The following ABLIM1 variants were observed in gnomAD, a reference collection of about 807,000 sequenced individuals.
ABLIM1 encodes the protein actin-binding LIM protein 1.
ABLIM1 carries 40 observed loss-of-function variants against 107.0 expected under a neutral mutation model. The observed-to-expected ratio is 0.37, with a 90% CI of 0.29 to 0.49. The LOEUF is 0.49. Among genes scored for constraint, ABLIM1 ranks in the 20% least tolerant of loss-of-function variants. ABLIM1 has a pLI of 0.97. For synonymous variants in ABLIM1, 357 were observed against 357.3 expected, an observed-to-expected ratio of 1.00 and a Z score of 0.01; for missense variants, 857 against 1,008.5, an observed-to-expected ratio of 0.85 and a Z score of 2.04.
At position 114,453,447 on chromosome 10, in the gene ABLIM1, G is replaced by A. The variant is rs766349027; in HGVS notation, c.1478C>T (p.Pro493Leu). The change falls in exon 13 of 23, where the codon CCT (proline) becomes CTT (leucine). Residue 493 changes from proline (P) to leucine (L), a missense_variant. This residue lies in a region of ABLIM1 where 381 missense variants were observed against 506.9 expected (regional missense o/e 0.75). Transcript: ENST00000533213. ...TAGAGGGCGGCTGTCTGGCCGGTAA[G>A]GGAGAGGGGAGTTCCGGCCGCTGGA... ...EPSSGRNSPL[P>L]YRPDSRPLTP... 36 of 1,611,354 alleles carry A rather than the reference G, an allele frequency of 2.2e-5. 1 individual carries two copies. The South Asian group carries it at 3.4e-4, about 15-fold the overall frequency.
At chr10:114,518,605 T>C (rs1159520913) in intron 6 of ABLIM1, among the ~76,000 whole-genome samples, 1 of 151,972 alleles carries the variant, frequency 6.6e-6, no homozygotes, top group Non-Finnish European at 1.5e-5. Context: ...ACTACCTGTT[T>C]TTTGTAAATA....
At chr10:114,550,844 T>A (rs2067975328) in intron 4 of ABLIM1, among the ~76,000 whole-genome samples, 1 of 152,230 alleles carries the variant, frequency 6.6e-6, no homozygotes, top group Non-Finnish European at 1.5e-5. Flanking sequence ...TCTAATTACA[T>A]AATTCCCACT....
At chr10:114,587,675 C>T (rs538426266) in intron 2 of ABLIM1, among the ~76,000 whole-genome samples, 20 of 152,250 alleles carry the variant, frequency 1.3e-4, no homozygotes, top group South Asian at 2.1e-4. Context: ...GTGTCCTCAC[C>T]GCCCACTGTC....
chr10:114,488,952 A>G (rs1003818427), intron 7 of ABLIM1, among the ~76,000 whole-genome samples: 1 of 152,262 alleles, frequency 6.6e-6, no homozygotes. Flanking sequence ...GAAAGCATAA[A>G]TTACATAAAT....
chr10:114,517,648 T>C (rs1417635295), intron 6 of ABLIM1, among the ~76,000 whole-genome samples: 1 of 152,166 alleles, frequency 6.6e-6, no homozygotes, highest in Non-Finnish European at 1.5e-5. Context: ...GGTCTGTACT[T>C]TTTTGCGATA....
intron 1 of ABLIM1, among the ~76,000 whole-genome samples, chr10:114,715,068 T>C (rs992591375): frequency 2.6e-5 from 4 of 152,074 alleles, no homozygotes; most frequent in African/African-American, 9.7e-5. Flanking sequence ...AGAAAGTACA[T>C]CTAAAATTTC....
chr10:114,670,928 T>C (rs551889467), intron 1 of ABLIM1, among the ~76,000 whole-genome samples: 2 of 152,370 alleles, frequency 1.3e-5, no homozygotes, highest in East Asian at 1.9e-4. Context: ...TTAAATTTTT[T>C]ATTGAAATAT....
intron 1 of ABLIM1, among the ~76,000 whole-genome samples, chr10:114,700,491 AACACACACACACACAC>A (rs149691121): frequency 6.7e-6 from 1 of 148,456 alleles, no homozygotes; most frequent in Admixed American, 6.7e-5. Flanking sequence ...AAACAATTAA[AACACACACACACACAC>A]ACACACACAC....
At chr10:114,603,663 G>T (rs1202484912) in intron 1 of ABLIM1, among the ~76,000 whole-genome samples, 1 of 150,242 alleles carries the variant, frequency 6.7e-6, no homozygotes, top group Non-Finnish European at 1.5e-5. Context: ...AAGAAGAAAA[G>T]TTTTCCTTGG....
At chr10:114,800,344 T>C in the ABLIM1 span, among the ~76,000 whole-genome samples, 4 of 152,196 alleles carry the variant, frequency 2.6e-5, no homozygotes, top group East Asian at 7.7e-4. Context: ...TTGTCCTATA[T>C]AACTTTTACA....
At chr10:114,749,840 G>A (rs567244372) in intron 1 of ABLIM1, among the ~76,000 whole-genome samples, 29 of 152,096 alleles carry the variant, frequency 1.9e-4, no homozygotes, top group Middle Eastern at 3.4e-3. Context: ...CCCATAGCTC[G>A]CTTTCTCCGC....
chr10:114,718,459 A>C (rs1052686489), intron 1 of ABLIM1, among the ~76,000 whole-genome samples: 4 of 152,172 alleles, frequency 2.6e-5, no homozygotes, highest in African/African-American at 9.7e-5. Flanking sequence ...TTGTTCAAAA[A>C]TTTTCCTTCT....
At chr10:114,450,147 GA>G in intron 14 of ABLIM1, 1 of 359,414 alleles carries the variant, frequency 2.8e-6, no homozygotes, top group Non-Finnish European at 5.7e-6. Context: ...TTACGCATTA[GA>G]ATTGGTGAAG....
chr10:114,734,152 G>A (rs541081717), intron 1 of ABLIM1, among the ~76,000 whole-genome samples: 167 of 152,036 alleles, frequency 1.1e-3, no homozygotes, highest in Non-Finnish European at 1.9e-3. Context: ...GAACCATCAC[G>A]CTTGGCCATG....
chr10:114,692,543 A>G (rs1367359738), intron 1 of ABLIM1, among the ~76,000 whole-genome samples: 1 of 152,216 alleles, frequency 6.6e-6, no homozygotes, highest in Non-Finnish European at 1.5e-5. Context: ...CCAAAACAAG[A>G]AACTTCCAGT....
At chr10:114,438,279 G>A (rs2059710285) in intron 21 of ABLIM1, among the ~76,000 whole-genome samples, 1 of 152,004 alleles carries the variant, frequency 6.6e-6, no homozygotes, top group South Asian at 2.1e-4. Context: ...TTTTTTGTTT[G>A]TAGACAGGGC....
At chr10:114,577,761 G>C (rs78924537) in intron 2 of ABLIM1, among the ~76,000 whole-genome samples, 7,271 of 152,158 alleles carry the variant, frequency 0.048, 214 homozygotes, top group East Asian at 0.082. Flanking sequence ...TTAAAGTAGT[G>C]CTCAAGGTGG....
At position 114,546,233 on chromosome 10, in the gene ABLIM1, C is replaced by T. The variant is rs568614072; in HGVS notation, c.801-1135G>A. The stretch of plus-strand genomic sequence containing the variant: ...TAGCTTGCAATGTTCCGTTAGAAGC[C>T]AGGCACCTGTCTTATTTTGTCCATA... On this transcript the variant is annotated intron_variant, in intron 5 of 22. Transcript: ENST00000533213. Among the ~76,000 whole-genome samples the T allele has an allele frequency of 2.0e-5, 3 of 152,110 alleles. No individual in the cohort carries two copies. In the East Asian group the frequency reaches 5.8e-4, roughly 29 times the overall value.
At chr10:114,664,683 A>G (rs2079942556) in intron 1 of ABLIM1, among the ~76,000 whole-genome samples, 1 of 151,462 alleles carries the variant, frequency 6.6e-6, no homozygotes, top group South Asian at 2.1e-4. Flanking sequence ...GGCTGAGATT[A>G]CAGGTGTATG....
Sources: allele counts gnomAD v4.1 joint callset (sites outside exome capture counted in the v4.1 genomes callset), GRCh38; gene constraint gnomAD v4.1.1; regional missense constraint gnomAD v4.1.1; transcripts MANE v1.5; gene names NCBI Gene and HGNC (gene_info 2026-07-23, HGNC 2026-07-21).